XRN1: variants seen among roughly 807,000 people sequenced by gnomAD.
XRN1 encodes the protein strand-exchange protein 1 homolog.
In XRN1, 67 loss-of-function variants were observed where a neutral mutation model predicts 222.3. The ratio of observed to expected loss-of-function variants is 0.30; its 90% CI spans 0.25 to 0.37. The LOEUF is 0.37. Among genes scored for constraint, XRN1 ranks in the 10% least tolerant of loss-of-function variants. XRN1 has a pLI of 1.00. For missense variants in XRN1, 1,707 were observed against 2,000.2 expected (o/e 0.85, Z 2.80); for synonymous variants, 643 against 652.4 (o/e 0.99, Z 0.22).
intron 32 of XRN1, among the ~76,000 whole-genome samples, chr3:142,351,045 A>G (rs2066289635): frequency 6.6e-6 from 1 of 152,072 alleles, no homozygotes. Flanking sequence ...TTGTAGGTAT[A>G]TATGTTTGTG....
chr3:142,407,075 G>A (rs1034180468), intron 15 of XRN1, among the ~76,000 whole-genome samples: 2 of 152,180 alleles, frequency 1.3e-5, no homozygotes. Context: ...ATGCATGCCT[G>A]CTGCGTAAGT....
intron 35 of XRN1, 174 bp downstream of exon 35, chr3:142,332,793 G>C: frequency 1.0e-6 from 1 of 1,001,270 alleles, no homozygotes; most frequent in Non-Finnish European, 1.4e-6. Context: ...GTGGTCTAAA[G>C]AGAAAAAGTA....
chr3:142,360,474 T>C (rs2066584390), intron 29 of XRN1, among the ~76,000 whole-genome samples: 1 of 152,052 alleles, frequency 6.6e-6, no homozygotes, highest in Non-Finnish European at 1.5e-5. Context: ...AATGCTACAA[T>C]GAACATGCAA....
intron 29 of XRN1, among the ~76,000 whole-genome samples, chr3:142,362,579 TC>T (rs1428710206): frequency 6.8e-6 from 1 of 146,048 alleles, no homozygotes; most frequent in African/African-American, 2.5e-5. Flanking sequence ...TTTTTCTTCG[TC>T]CCCCCTACCC....
chr3:142,313,121 T>C, intron 39 of XRN1: 4 of 1,600,958 alleles, frequency 2.5e-6, no homozygotes, highest in Non-Finnish European at 3.4e-6. Context: ...AATAGAGAAA[T>C]CTTAAGGATC....
At chr3:142,381,763 C>T (rs990952633) in intron 22 of XRN1, among the ~76,000 whole-genome samples, 3 of 151,722 alleles carry the variant, frequency 2.0e-5, no homozygotes, top group African/African-American at 2.4e-5. Flanking sequence ...GATGAGGTTT[C>T]GCTGTGTTGG....
At chr3:142,412,742 T>C in intron 14 of XRN1, 79 bp from the exon 15 acceptor site, 1 of 1,161,012 alleles carries the variant, frequency 8.6e-7, no homozygotes, top group Non-Finnish European at 1.1e-6. Flanking sequence ...TTTATAATAT[T>C]TCCTCATGTT....
At chr3:142,344,643 C>G (rs760011962) in intron 33 of XRN1, among the ~76,000 whole-genome samples, 6 of 151,672 alleles carry the variant, frequency 4.0e-5, no homozygotes, top group Admixed American at 6.6e-5. Context: ...AAACCCAGTT[C>G]CATTGAAAAA....
chr3:142,338,475 G>C (rs1368485505), intron 33 of XRN1, among the ~76,000 whole-genome samples: 3 of 152,100 alleles, frequency 2.0e-5, no homozygotes, highest in African/African-American at 7.2e-5. Flanking sequence ...GTATCCATGT[G>C]CCTTCGATAA....
chr3:142,421,053 T>G lies in XRN1; in HGVS notation c.1136A>C (p.Glu379Ala), dbSNP rs772860890. ...CTTTTCCTTGTAGTTCCTGGCTTCT[T>G]CTGCTGCGACACCTGCTGCTTCATT... ...YLNEAAGVAA[E>A]EARNYKEKKK... is the part of the protein sequence containing the mutation. Residue 379 changes from glutamate to alanine, a missense_variant, in exon 10 of 41, where the codon GAA (glutamate) becomes GCA (alanine). This residue lies in a region of XRN1 where 1,234 missense variants were observed against 1,518.2 expected (regional missense o/e 0.81). Transcript: ENST00000392981. The G allele has an allele frequency of 6.8e-6, 11 of 1,613,986 alleles. No individual in the cohort carries two copies. In the South Asian group the frequency reaches 7.7e-5, roughly 11 times the overall value.
chr3:142,379,873 A>T (rs1296689845), intron 23 of XRN1, among the ~76,000 whole-genome samples: 1 of 151,960 alleles, frequency 6.6e-6, no homozygotes, highest in Non-Finnish European at 1.5e-5. Context: ...TAATAACGGG[A>T]TTTCAGTGAT....
At chr3:142,384,966 A>C (rs2067439138) in intron 20 of XRN1, among the ~76,000 whole-genome samples, 1 of 152,212 alleles carries the variant, frequency 6.6e-6, no homozygotes, top group Non-Finnish European at 1.5e-5. Context: ...ATTAAAAAAC[A>C]GGGAAAAAAA....
intron 1 of XRN1, among the ~76,000 whole-genome samples, chr3:142,440,616 T>A (rs4583672): frequency 1.3e-5 from 2 of 152,056 alleles, no homozygotes; most frequent in South Asian, 4.1e-4. Context: ...CAATAGCTCC[T>A]GCAATACTCC....
At chr3:142,313,014 T>C (rs1325890135) in intron 39 of XRN1, 4 of 1,152,558 alleles carry the variant, frequency 3.5e-6, no homozygotes, top group Non-Finnish European at 4.9e-6. Context: ...ACTAATATCA[T>C]ATGCTGATAC....
chr3:142,447,746 A>C lies in XRN1; in HGVS notation c.75+124T>G. Reference sequence around the variant, plus strand: ...CCTCAAACCTTCCGTCCCCCTCCCTAATGCCACTAATCGTCCAGACGACGA... The same window carrying C: ...CCTCAAACCTTCCGTCCCCCTCCCTCATGCCACTAATCGTCCAGACGACGA... On this transcript the variant is annotated intron_variant, in intron 1 of 40. Transcript: ENST00000392981. This position sits in a 1 kb window ranked among gnomAD's most constrained non-coding sequence, Gnocchi z 4.2. The C allele has an allele frequency of 8.8e-7, 1 of 1,139,608 alleles. No homozygotes were observed. The highest frequency in any genetic ancestry group is 1.3e-6 in the Non-Finnish European group (1 of 792,954). The allele number at this position is 1,139,608 out of a possible 1,614,324, so 70.6% of individuals were successfully genotyped here.
At chr3:142,328,726 TATATATATATATATATATATA>T (rs2065599627) in intron 37 of XRN1, among the ~76,000 whole-genome samples, 1 of 16,532 alleles carries the variant, frequency 6.0e-5, no homozygotes, top group Non-Finnish European at 9.4e-5. Flanking sequence ...TATATATATA[TATATATATATATATATATATA>T]TATATATATA....
At chr3:142,402,704 C>G (rs183656407) in intron 18 of XRN1, among the ~76,000 whole-genome samples, 8 of 152,248 alleles carry the variant, frequency 5.3e-5, no homozygotes, top group Admixed American at 3.9e-4. Context: ...GTTAAACATC[C>G]TAGTGTTACC....
intron 15 of XRN1, among the ~76,000 whole-genome samples, chr3:142,411,519 C>CA (rs770775243): frequency 1.4e-3 from 208 of 151,902 alleles, no homozygotes; most frequent in Non-Finnish European, 2.2e-3. Context: ...CCATGGATCC[C>CA]TTTTTTTTCT....
At chr3:142,399,800 TA>T (rs10598032) in intron 19 of XRN1, among the ~76,000 whole-genome samples, 31,306 of 143,884 alleles carry the variant, frequency 0.22, 4,562 homozygotes, top group African/African-American at 0.43. Context: ...TGTGTAAATT[TA>T]AAAAAAAAAA....
Sources: gnomAD v4.1 joint callset for allele counts (sites outside exome capture counted in the v4.1 genomes callset) on GRCh38, gnomAD v4.1.1 for gene constraint, gnomAD v4.1.1 regional missense constraint, Gnocchi (gnomAD v3.1) non-coding constraint, MANE v1.5 for transcripts, NCBI Gene and HGNC (gene_info 2026-07-23, HGNC 2026-07-21) for gene names.